The following IL1RAPL2 variants were observed in gnomAD, a reference collection of about 807,000 sequenced individuals.
IL1RAPL2 encodes the protein interleukin 1 receptor accessory protein like 2, also known as X-linked interleukin-1 receptor accessory protein-like 2.
In IL1RAPL2, 3 loss-of-function variants were observed where a neutral mutation model predicts 44.1. The observed-to-expected ratio is 0.07, with a 90% CI of 0.03 to 0.18. IL1RAPL2 has a LOEUF of 0.18. Ranked by LOEUF, IL1RAPL2 falls within the 10% of genes least tolerant of loss-of-function variation. IL1RAPL2 has a pLI of 1.00. For synonymous variants in IL1RAPL2, 181 were observed against 178.8 expected (o/e 1.01, Z -0.10); for missense variants, 391 against 496.4 (o/e 0.79, Z 2.02).
At chrX:104,705,591 C>G (rs755723581) in intron 2 of IL1RAPL2, among the ~76,000 whole-genome samples, 17 of 111,784 alleles carry the variant, frequency 1.5e-4, no homozygotes, top group Non-Finnish European at 2.8e-4. Context: ...TAACATCACC[C>G]TTCAGGATTC....
At chrX:104,870,182 T>C (rs952802188) in intron 2 of IL1RAPL2, among the ~76,000 whole-genome samples, 4 of 112,171 alleles carry the variant, frequency 3.6e-5, no homozygotes, top group Non-Finnish European at 7.5e-5. Flanking sequence ...ATTTATTTAG[T>C]GCTTACAGTG....
chrX:105,632,944 G>A (rs2037500817), intron 6 of IL1RAPL2, among the ~76,000 whole-genome samples: 3 of 111,887 alleles, frequency 2.7e-5, no homozygotes, highest in South Asian at 7.4e-4. Flanking sequence ...CTGCCTAGAG[G>A]AAAGGAATTT....
chrX:105,428,183 G>A (rs2035824010), intron 5 of IL1RAPL2, among the ~76,000 whole-genome samples: 1 of 111,258 alleles, frequency 9.0e-6, no homozygotes, highest in African/African-American at 3.3e-5. Flanking sequence ...GAACTATCAA[G>A]TATTTCCAAA....
intron 2 of IL1RAPL2, among the ~76,000 whole-genome samples, chrX:105,076,989 C>T (rs2032316442): frequency 9.0e-6 from 1 of 111,196 alleles, no homozygotes; most frequent in Non-Finnish European, 1.9e-5. Flanking sequence ...GGTCTTGACT[C>T]TTTATCCAAT....
At chrX:105,199,835 G>A (rs1556144640) in intron 3 of IL1RAPL2, among the ~76,000 whole-genome samples, 1 of 112,372 alleles carries the variant, frequency 8.9e-6, no homozygotes, top group Non-Finnish European at 1.9e-5. Flanking sequence ...CCTCTCATGT[G>A]TGCCTTAGTA....
At chrX:104,633,699 A>AT (rs1334546050) in intron 1 of IL1RAPL2, among the ~76,000 whole-genome samples, 3 of 111,140 alleles carry the variant, frequency 2.7e-5, no homozygotes, top group Admixed American at 9.6e-5. Flanking sequence ...CCCCTTTATC[A>AT]TTTTTTATTG....
At chrX:105,174,791 A>T (rs1230715365) in intron 2 of IL1RAPL2, among the ~76,000 whole-genome samples, 1 of 111,465 alleles carries the variant, frequency 9.0e-6, no homozygotes, top group Admixed American at 9.6e-5. Flanking sequence ...AGCACCTTCA[A>T]TGTCACCCAC....
At chrX:104,806,504 A>G (rs554753930) in intron 2 of IL1RAPL2, among the ~76,000 whole-genome samples, 22 of 112,235 alleles carry the variant, frequency 2.0e-4, no homozygotes, top group Non-Finnish European at 3.8e-4. Flanking sequence ...TTTGCCCCAT[A>G]CAGTAGACTG....
intron 1 of IL1RAPL2, among the ~76,000 whole-genome samples, chrX:104,582,698 C>CTA (rs1183029938): frequency 5.7e-5 from 5 of 87,987 alleles, no homozygotes; most frequent in Non-Finnish European, 2.3e-5. Context: ...TTCTTTCTCT[C>CTA]TCTCTCCTTT....
chrX:105,447,659 A>G (rs1408831739), intron 5 of IL1RAPL2, among the ~76,000 whole-genome samples: 2 of 82,109 alleles, frequency 2.4e-5, no homozygotes, highest in African/African-American at 9.9e-5. Flanking sequence ...AAATATAAAT[A>G]AATATAAATA....
chrX:104,633,625 G>A (rs1299705122), intron 1 of IL1RAPL2, among the ~76,000 whole-genome samples: 2 of 111,972 alleles, frequency 1.8e-5, no homozygotes, highest in Non-Finnish European at 3.8e-5. Context: ...TAGTTTATTT[G>A]CATAGAGGTG....
intron 10 of IL1RAPL2, among the ~76,000 whole-genome samples, chrX:105,760,533 A>T (rs2038678156): frequency 1.8e-5 from 2 of 112,201 alleles, no homozygotes; most frequent in African/African-American, 6.5e-5. Context: ...TGAAGAGAGA[A>T]GAGAAAGAAG....
At chrX:104,806,244 CACA>C (rs764623666) in intron 2 of IL1RAPL2, among the ~76,000 whole-genome samples, 1 of 112,358 alleles carries the variant, frequency 8.9e-6, no homozygotes, top group Non-Finnish European at 1.9e-5. Flanking sequence ...TAAGGTGATA[CACA>C]ACTATCTGAA....
At chrX:105,135,984 G>A (rs185406846) in intron 2 of IL1RAPL2, among the ~76,000 whole-genome samples, 1 of 111,956 alleles carries the variant, frequency 8.9e-6, no homozygotes, top group African/African-American at 3.2e-5. Context: ...AAACATGGGA[G>A]AGAAGAGTTC....
At chrX:105,550,395 G>A (rs1221296067) in intron 6 of IL1RAPL2, among the ~76,000 whole-genome samples, 3 of 112,055 alleles carry the variant, frequency 2.7e-5, no homozygotes, top group Non-Finnish European at 5.6e-5. Context: ...AAAAGGGATG[G>A]AATTGAACAC....
At chrX:104,824,449 C>G (rs7890594) in intron 2 of IL1RAPL2, among the ~76,000 whole-genome samples, 46,495 of 110,509 alleles carry the variant, frequency 0.42, 7,135 homozygotes, top group East Asian at 0.46. Context: ...GTTTGGAATA[C>G]TTTCAAGGAA....
intron 2 of IL1RAPL2, among the ~76,000 whole-genome samples, chrX:104,776,766 T>C (rs1375481030): frequency 8.9e-6 from 1 of 112,188 alleles, no homozygotes; most frequent in Non-Finnish European, 1.9e-5. Context: ...AGTTCCCATA[T>C]ACCCTACACC....
intron 4 of IL1RAPL2, among the ~76,000 whole-genome samples, chrX:105,255,384 T>C (rs1360126489): frequency 8.9e-6 from 1 of 112,065 alleles, no homozygotes; most frequent in African/African-American, 3.2e-5. Context: ...TTTTATACAT[T>C]GATTTAACAT....
chrX:105,086,981 A>G, intron 2 of IL1RAPL2, among the ~76,000 whole-genome samples: 1 of 110,078 alleles, frequency 9.1e-6, no homozygotes, highest in South Asian at 4.0e-4. Context: ...TTATCTTCAC[A>G]ATCCTATTAT....
Sources: gnomAD v4.1 joint callset for allele counts (sites outside exome capture counted in the v4.1 genomes callset) on GRCh38, gnomAD v4.1.1 for gene constraint, MANE v1.5 for transcripts, NCBI Gene and HGNC (gene_info 2026-07-23, HGNC 2026-07-21) for gene names.